NT5C1A: variants seen among roughly 807,000 people sequenced by gnomAD.
The protein encoded by NT5C1A is 5'-nucleotidase, cytosolic IA.
NT5C1A carries 18 observed loss-of-function variants against 31.0 expected under a neutral mutation model. The observed-to-expected ratio is 0.58, with a 90% CI of 0.40 to 0.86. The LOEUF is 0.86. Among genes scored for constraint, NT5C1A ranks in the 40% least tolerant of loss-of-function variants. The pLI, the probability that NT5C1A is intolerant of heterozygous loss-of-function variation, is 0.00. For missense variants in NT5C1A, 470 were observed against 505.4 expected (o/e 0.93, Z 0.67); for synonymous variants, 185 against 203.6 (o/e 0.91, Z 0.78).
rs373535971 is a variant in NT5C1A, at chr1:39,671,895, T to C, written c.135+9A>G. The C allele has an allele frequency of 3.7e-6, 6 of 1,613,152 alleles. No individual in the cohort carries two copies. Among genetic ancestry groups the C allele is most frequent in the Middle Eastern group, 1.7e-4 (1 of 6,058 alleles). On this transcript the variant is annotated intron_variant, in intron 1 of 5. Transcript: ENST00000235628. ...CCCCGTCCCCCGCATACCCGTGCAT[T>C]GCTTTTACCGATTTGGGTTTCTTCT...
chr1:39,660,561 G>A (rs151045501), intron 5 of NT5C1A, among the ~76,000 whole-genome samples: 135 of 152,226 alleles, frequency 8.9e-4, no homozygotes, highest in Admixed American at 1.7e-3. Context: ...CCAATGAGGC[G>A]CCCCAGTCCA....
chr1:39,668,235 G>A (rs1646533484), intron 1 of NT5C1A, among the ~76,000 whole-genome samples: 1 of 152,214 alleles, frequency 6.6e-6, no homozygotes, highest in South Asian at 2.1e-4. Flanking sequence ...TCCACCCACT[G>A]GGCTTACTGC....
rs1287744429 is a variant in NT5C1A, at chr1:39,672,049, T to C, written c.-11A>G. On this transcript the variant is annotated 5_prime_UTR_variant, in exon 1 of 6. Transcript: ENST00000235628. Reference sequence around the variant, plus strand: ...CTGCCCAGGTTCCATGCTCCGGCTCTGACCCGGCCCGGCCAGAGCAGGCGG... The same window carrying C: ...CTGCCCAGGTTCCATGCTCCGGCTCCGACCCGGCCCGGCCAGAGCAGGCGG... The C allele has an allele frequency of 1.3e-6, 2 of 1,583,966 alleles. No homozygotes were observed. Among genetic ancestry groups the C allele is most frequent in the South Asian group, 1.1e-5 (1 of 89,628 alleles).
At chr1:39,660,518 C>T (rs759513533) in intron 5 of NT5C1A, among the ~76,000 whole-genome samples, 46 of 152,100 alleles carry the variant, frequency 3.0e-4, no homozygotes, top group Non-Finnish European at 5.0e-4. Flanking sequence ...AATGGTCTGC[C>T]CCAGATGTCA....
rs115264630 is a variant in NT5C1A at position 39,663,296 on chromosome 1, C to T, written c.556+16G>A. On this transcript the variant is annotated intron_variant, in intron 4 of 5. Transcript: ENST00000235628. The stretch of plus-strand genomic sequence containing the variant: ...TTGCTGCACTCCCCATATTCTTCCT[C>T]TTCACTTAGACTTACCCTCATCAAT... 1.3e-3 allele frequency: 2,099 copies of T among 1,614,118 alleles called. 26 individuals carry two copies. The African/African-American group carries it at 0.024, about 19-fold the overall frequency.
In NT5C1A at chr1:39,651,651, T is replaced by C. The variant is rs2124139562; in HGVS notation, c.*7470A>G. ...GCACATTATGCACACAGGTTTCATT[T>C]TTCATCGTATTCTATATCGGAGGTT... On this transcript the variant is annotated 3_prime_UTR_variant, in exon 6 of 6. Transcript: ENST00000235628. Among the ~76,000 whole-genome samples the C allele has an allele frequency of 6.6e-6, 1 of 152,338 alleles. No individual in the cohort carries two copies. Among genetic ancestry groups the C allele is most frequent in the Middle Eastern group, 3.4e-3 (1 of 294 alleles).
At chr1:39,668,508 C>G (rs1646534471) in intron 1 of NT5C1A, among the ~76,000 whole-genome samples, 1 of 152,186 alleles carries the variant, frequency 6.6e-6, no homozygotes, top group Admixed American at 6.5e-5. Flanking sequence ...TCCTCTGCTT[C>G]TCTCTTTTCC....
chr1:39,665,434 T>C, intron 3 of NT5C1A, 87 bp downstream of exon 3: 1 of 1,381,130 alleles, frequency 7.2e-7, no homozygotes, highest in Non-Finnish European at 9.8e-7. Flanking sequence ...TCAGTACAAC[T>C]CCATCCTGCA....
chr1:39,666,612 C>A (rs1185396550), intron 1 of NT5C1A, among the ~76,000 whole-genome samples: 1 of 152,044 alleles, frequency 6.6e-6, no homozygotes, highest in Non-Finnish European at 1.5e-5. Context: ...AGCTGCATGC[C>A]CTTAGGAAGA....
rs1017661798 is a variant in NT5C1A, at chr1:39,656,963, G to C, written c.*2158C>G. On this transcript the variant is annotated 3_prime_UTR_variant, in exon 6 of 6. Transcript: ENST00000235628. Reference sequence around the variant, plus strand: ...TTGGCCCTCACAGTACCTCTGTCTAGGCTTGGAGCTCTGGAAGTAGACACA... The same window carrying C: ...TTGGCCCTCACAGTACCTCTGTCTACGCTTGGAGCTCTGGAAGTAGACACA... Among the ~76,000 whole-genome samples the C allele has an allele frequency of 6.6e-6, 1 of 152,228 alleles. No homozygotes were observed. The highest frequency in any genetic ancestry group is 6.5e-5 in the Admixed American group (1 of 15,292).
rs1295102399 is a variant in NT5C1A at position 39,657,415 on chromosome 1, C to T, written c.*1706G>A. Among the ~76,000 whole-genome samples, 2 of 152,240 alleles carry T rather than the reference C, an allele frequency of 1.3e-5. No individual in the cohort carries two copies. Among genetic ancestry groups the T allele is most frequent in the African/African-American group, 2.4e-5 (1 of 41,458 alleles). On this transcript the variant is annotated 3_prime_UTR_variant, in exon 6 of 6. Coordinates refer to ENST00000235628, the MANE Select transcript of NT5C1A (RefSeq NM_032526.3). The stretch of plus-strand genomic sequence containing the variant: ...AAAAACCCCAGGGTGTTCTCTTCCC[C>T]TATTTCCTACCACCACATCTCCAGG...
Position 39,666,141 on chromosome 1 carries a change from C to T in NT5C1A, c.231G>A (p.Glu77=). The T allele has an allele frequency of 1.9e-6, 3 of 1,613,662 alleles. No homozygotes were observed. Among genetic ancestry groups the T allele is most frequent in the Non-Finnish European group, 2.5e-6 (3 of 1,180,014 alleles). The part of the protein sequence containing the change: ...EQQIYTEQGV[E]EYVRYQLEHE... The stretch of plus-strand genomic sequence containing the variant: ...GTTCCAGCTGGTAGCGCACGTACTC[C>T]TCCACGCCCTGCTCCGTGTAGATCT... The change falls in exon 2 of 6, where the codon GAG becomes GAA. Residue 77 remains glutamate, a synonymous_variant. Transcript: ENST00000235628.
intron 1 of NT5C1A, among the ~76,000 whole-genome samples, chr1:39,671,295 C>T (rs534403082): frequency 2.0e-5 from 3 of 152,324 alleles, no homozygotes; most frequent in East Asian, 3.9e-4. Flanking sequence ...GAGCAGAACC[C>T]GAGCTGGGGG....
chr1:39,669,909 C>T (rs1188380610), intron 1 of NT5C1A, among the ~76,000 whole-genome samples: 2 of 152,154 alleles, frequency 1.3e-5, no homozygotes, highest in Non-Finnish European at 2.9e-5. Context: ...AGTTAATCCC[C>T]TGATGAAAAA....
intron 4 of NT5C1A, among the ~76,000 whole-genome samples, chr1:39,662,195 T>C (rs755268619): frequency 1.3e-5 from 2 of 152,232 alleles, no homozygotes; most frequent in Non-Finnish European, 2.9e-5. Context: ...TCACAGAGGC[T>C]GGGCTTAGGT....
At chr1:39,662,551 G>T (rs1411287829) in intron 4 of NT5C1A, among the ~76,000 whole-genome samples, 1 of 152,188 alleles carries the variant, frequency 6.6e-6, no homozygotes, top group Admixed American at 6.5e-5. Context: ...GAGTTATCAG[G>T]GGGAGAGGGG....
chr1:39,663,449 A>G lies in NT5C1A; in HGVS notation c.434-15T>C, dbSNP rs775959175. The G allele has an allele frequency of 1.2e-6, 2 of 1,613,578 alleles. No homozygotes were observed. The highest frequency in any genetic ancestry group is 1.7e-6 in the Non-Finnish European group (2 of 1,179,836). ...GATGAACAGGTCTGGGAAGGAGGTA[A>G]AGGACCCAGGTGAGGCCAGGGTCAA... On this transcript the variant is annotated splice_polypyrimidine_tract_variant and intron_variant, in intron 3 of 5. Transcript: ENST00000235628.
In NT5C1A at chr1:39,659,259, T is replaced by C. The variant is rs1646477961; in HGVS notation, c.969A>G (p.Pro323=). ...ACATCTGGTCATCAAAGAAGATGTGTGGGCGGATCTTCTCAAGGAGAGGGC... is the reference window on the plus strand; with the variant it reads ...ACATCTGGTCATCAAAGAAGATGTGCGGGCGGATCTTCTCAAGGAGAGGGC... ...PKGPLLEKIR[P]HIFFDDQMFH... The change falls in exon 6 of 6, where the codon CCA becomes CCG. Residue 323 remains proline, a synonymous_variant. Coordinates refer to ENST00000235628, the MANE Select transcript of NT5C1A (RefSeq NM_032526.3). 4 of 1,614,036 alleles carry C rather than the reference T, an allele frequency of 2.5e-6. No individual in the cohort carries two copies. In the African/African-American group the frequency reaches 5.3e-5, roughly 22 times the overall value.
rs1646455007 is a variant in NT5C1A at position 39,655,656 on chromosome 1, C to T, written c.*3465G>A. On this transcript the variant is annotated 3_prime_UTR_variant, in exon 6 of 6. Transcript: ENST00000235628. ...GAGTCCCAGCACTGCCACTTACTAG[C>T]TCTATGGCTTTGGACAAGTTACTTT... is the stretch of plus-strand genomic sequence containing the variant. Among the ~76,000 whole-genome samples the T allele has an allele frequency of 6.6e-6, 1 of 152,090 alleles. No individual in the cohort carries two copies. The highest frequency in any genetic ancestry group is 1.5e-5 in the Non-Finnish European group (1 of 68,024).
Sources: gnomAD v4.1 joint callset for allele counts (sites outside exome capture counted in the v4.1 genomes callset) on GRCh38, gnomAD v4.1.1 for gene constraint, MANE v1.5 for transcripts, NCBI Gene and HGNC (gene_info 2026-07-23, HGNC 2026-07-21) for gene names.